USP34: variants seen among roughly 807,000 people sequenced by gnomAD.
USP34 encodes ubiquitin specific peptidase 34.
In USP34, 70 loss-of-function variants were observed where a neutral mutation model predicts 460.3. That is an observed-to-expected ratio of 0.15 (90% CI 0.13 to 0.19). The LOEUF (loss-of-function observed/expected upper bound fraction) is 0.19, where lower values mean the gene tolerates loss of function less well. USP34 is among the 10% of genes least tolerant of loss of function. The pLI is 1.00. For missense variants in USP34, 3,985 were observed against 4,236.2 expected (o/e 0.94, Z 1.65); for synonymous variants, 1,647 against 1,405.3 (o/e 1.17, Z -3.85).
At chr2:61,259,555 T>C (rs950233618) in intron 44 of USP34, among the ~76,000 whole-genome samples, 156 bp downstream of exon 44, 1 of 75,674 alleles carries the variant, frequency 1.3e-5, no homozygotes, top group Non-Finnish European at 3.0e-5. Flanking sequence ...GCCTGGCTTA[T>C]TTTTTTTTTT....
At position 61,339,566 on chromosome 2, in the gene USP34, T is replaced by G; in HGVS notation, c.2616A>C (p.Ala872=). The G allele has an allele frequency of 6.4e-7, 1 of 1,568,780 alleles. No homozygotes were observed. Among genetic ancestry groups the G allele is most frequent in the Non-Finnish European group, 8.6e-7 (1 of 1,164,712 alleles). ...CTTCTGGTTCTATTAAATAACTTAC[T>G]GCATCTTCATCTTGGACTATATCCC... The part of the protein sequence containing the change: ...LLWDIVQDED[A]VNLSEGLINE... Residue 872 remains alanine, a splice_region_variant and synonymous_variant, in exon 17 of 80, where the codon GCA becomes GCC. Coordinates refer to ENST00000398571, the MANE Select transcript of USP34 (RefSeq NM_014709.4).
chr2:61,309,616 A>AT (rs1690524518), intron 27 of USP34, among the ~76,000 whole-genome samples: 3 of 152,182 alleles, frequency 2.0e-5, no homozygotes, highest in Admixed American at 6.5e-5. Context: ...TGCTAGTGAG[A>AT]TTCCTGCTCT....
At chr2:61,210,923 T>C (rs1293425751) in intron 69 of USP34, among the ~76,000 whole-genome samples, 1 of 152,208 alleles carries the variant, frequency 6.6e-6, no homozygotes, top group Non-Finnish European at 1.5e-5. Flanking sequence ...TTTACTATGT[T>C]GCCCAGGCTG....
rs1310513600 is a variant in USP34 at position 61,301,151 on chromosome 2, C to T, written c.3928G>A (p.Val1310Ile). ...TCTCTCCTTGGTGCACCCAAAGATA[C>T]AAATACCATCTATAAAAAACAGGAA... is the stretch of plus-strand genomic sequence containing the variant. Reference protein sequence around the residue: ...LGFKDMQMVFVSLGAPRRERK... With the variant: ...LGFKDMQMVFISLGAPRRERK... Residue 1310 changes from valine to isoleucine, a missense_variant, in exon 29 of 80, where the codon GTA becomes ATA. By Grantham distance (29) the Val-to-Ile change is conservative. Transcript: ENST00000398571. 3.2e-6 allele frequency: 5 copies of T among 1,583,786 alleles called. No individual in the cohort carries two copies. The highest frequency in any genetic ancestry group is 4.3e-6 in the Non-Finnish European group (5 of 1,170,442).
intron 44 of USP34, 101 bp from the exon 45 acceptor site, chr2:61,257,451 T>C: frequency 1.1e-6 from 1 of 920,008 alleles, no homozygotes; most frequent in Non-Finnish European, 1.5e-6. Context: ...AGGTAGTAAA[T>C]CTACTAAGTT....
rs142246239 is a variant in USP34, at chr2:61,288,790, C to T, written c.4636G>A (p.Val1546Ile). Residue 1546 changes from valine (V) to isoleucine (I), a missense_variant, in exon 34 of 80, where the codon GTC becomes ATC. Coordinates refer to ENST00000398571, the MANE Select transcript of USP34 (RefSeq NM_014709.4). ...PSDLDLAYHDVFAWSGIAESH... is the reference protein window; with the variant it reads ...PSDLDLAYHDIFAWSGIAESH... ...TCCGCTATACCAGACCAGGCAAAGA[C>T]ATCATGATAAGCTAAATCCAAATCG... 16 of 1,613,998 alleles carry T rather than the reference C, an allele frequency of 9.9e-6. No individual in the cohort carries two copies. In the African/African-American group the frequency reaches 1.3e-4, roughly 13 times the overall value.
intron 48 of USP34, among the ~76,000 whole-genome samples, chr2:61,249,002 C>A (rs1047327144): frequency 6.6e-6 from 1 of 152,154 alleles, no homozygotes; most frequent in Non-Finnish European, 1.5e-5. Flanking sequence ...CACAATTTCA[C>A]AGATTTTAGC....
In USP34 at chr2:61,188,058, G is replaced by C. The variant is rs373240678; in HGVS notation, c.*44C>G. The C allele has an allele frequency of 5.5e-4, 873 of 1,575,022 alleles. No homozygotes were observed. The highest frequency in any genetic ancestry group is 1.5e-3 in the Middle Eastern group (9 of 5,848). ...GCAAAACTTATACAAACAGCATGGG[G>C]GTTGGGGGTGAGGGACTTAAAAGTA... is the stretch of plus-strand genomic sequence containing the variant. On this transcript the variant is annotated 3_prime_UTR_variant, in exon 80 of 80. Coordinates refer to ENST00000398571, the MANE Select transcript of USP34 (RefSeq NM_014709.4).
intron 15 of USP34, among the ~76,000 whole-genome samples, chr2:61,347,118 C>A (rs988575776): frequency 6.6e-6 from 1 of 151,736 alleles, no homozygotes; most frequent in South Asian, 2.1e-4. Flanking sequence ...CCGGCCTGGG[C>A]AACAGAGCGA....
chr2:61,419,411 C>T (rs1694294388), intron 2 of USP34, among the ~76,000 whole-genome samples: 1 of 151,988 alleles, frequency 6.6e-6, no homozygotes, highest in Admixed American at 6.6e-5. Flanking sequence ...TCTGATGAGA[C>T]CTAAGAATTA....
intron 58 of USP34, among the ~76,000 whole-genome samples, chr2:61,230,861 A>G (rs12463885): frequency 6.7e-6 from 1 of 148,150 alleles, no homozygotes. Flanking sequence ...AAAAAAAACA[A>G]AACACAAAAA....
intron 21 of USP34, among the ~76,000 whole-genome samples, chr2:61,321,199 G>A (rs763195988): frequency 1.3e-5 from 2 of 151,884 alleles, no homozygotes; most frequent in Non-Finnish European, 2.9e-5. Context: ...ATGGCCAGGC[G>A]CAGTGGCTCA....
At chr2:61,309,237 G>T (rs1690511364) in intron 27 of USP34, among the ~76,000 whole-genome samples, 1 of 152,128 alleles carries the variant, frequency 6.6e-6, no homozygotes. Context: ...CATGTTTAAT[G>T]ATGCAAGGAA....
chr2:61,213,496 A>G (rs1201831106), intron 68 of USP34, among the ~76,000 whole-genome samples: 1 of 152,246 alleles, frequency 6.6e-6, no homozygotes, highest in African/African-American at 2.4e-5. Context: ...ACAGCTTTAC[A>G]TCGAGGGGAG....
At chr2:61,385,019 AG>A (rs1693092487) in intron 5 of USP34, among the ~76,000 whole-genome samples, 1 of 152,184 alleles carries the variant, frequency 6.6e-6, no homozygotes, top group Non-Finnish European at 1.5e-5. Flanking sequence ...AACTGCTGCT[AG>A]GTTAATATAA....
chr2:61,275,150 C>G (rs1343890298), intron 41 of USP34, among the ~76,000 whole-genome samples: 1 of 151,844 alleles, frequency 6.6e-6, no homozygotes, highest in Non-Finnish European at 1.5e-5. Flanking sequence ...ATGGTGATGC[C>G]TGCCTGTAGT....
Position 61,229,462 on chromosome 2 carries a change from AAAAAAAAAAAAAAC to A in USP34, c.7199+72_7199+85del, listed in dbSNP as rs1395447023. 5,055 of 684,740 alleles carry A rather than the reference AAAAAAAAAAAAAAC, an allele frequency of 7.4e-3. 17 individuals are homozygous for A. The highest frequency in any genetic ancestry group is 0.011 in the South Asian group (354 of 31,630). The allele number at this position is 684,740 out of a possible 1,614,324, so 42.4% of individuals were successfully genotyped here. On this transcript the variant is annotated intron_variant, in intron 59 of 79. Coordinates refer to ENST00000398571, the MANE Select transcript of USP34 (RefSeq NM_014709.4). The stretch of plus-strand genomic sequence containing the variant: ...CATGAAGAAACCCTATCTCTTAAAA[AAAAAAAAAAAAAAC>A]AAAAAAAAAAAACAAAAACACCACA...
At chr2:61,258,112 G>T (rs1688769957) in intron 44 of USP34, among the ~76,000 whole-genome samples, 1 of 152,148 alleles carries the variant, frequency 6.6e-6, no homozygotes, top group African/African-American at 2.4e-5. Flanking sequence ...CCAGCACTTT[G>T]GGAGGGTACG....
chr2:61,325,784 T>TA (rs932685837), intron 20 of USP34, among the ~76,000 whole-genome samples: 14 of 152,080 alleles, frequency 9.2e-5, no homozygotes, highest in African/African-American at 2.7e-4. Flanking sequence ...AGGCAACAAG[T>TA]AAAAAACACC....
Sources: allele counts gnomAD v4.1 joint callset (sites outside exome capture counted in the v4.1 genomes callset), GRCh38; gene constraint gnomAD v4.1.1; transcripts MANE v1.5; gene names NCBI Gene and HGNC (gene_info 2026-07-23, HGNC 2026-07-21).